ERC2: variants seen among roughly 807,000 people sequenced by gnomAD.
ERC2 encodes ERC protein 2.
Under a neutral mutation model 114.8 loss-of-function variants are expected in ERC2, and 42 were observed. The observed-to-expected ratio is 0.37, with a 90% confidence interval of 0.29 to 0.47. ERC2 has a LOEUF of 0.47. Ranked by LOEUF, ERC2 falls within the 20% of genes least tolerant of loss-of-function variation. ERC2 has a pLI of 0.99. For synonymous variants in ERC2, 454 were observed against 425.5 expected (o/e 1.07, Z -0.82); for missense variants, 939 against 1,150.7 (o/e 0.82, Z 2.66).
At position 56,218,009 on chromosome 3, in the gene ERC2, C is replaced by A. The variant is rs866276921; in HGVS notation, c.1075-44489G>T. 2.8e-3 allele frequency among the ~76,000 whole-genome samples: 411 copies of A among 149,094 alleles called. 1 individual carries two copies. The highest frequency in any genetic ancestry group is 0.019 in the South Asian group (89 of 4,712). ...TAATTCAAGATGGATTAAAGACTTACATGTTAGACCTGAAACCATAAAAAC... is the reference window on the plus strand; with the variant it reads ...TAATTCAAGATGGATTAAAGACTTAAATGTTAGACCTGAAACCATAAAAAC... On this transcript the variant is annotated intron_variant, in intron 3 of 17. Coordinates refer to ENST00000288221, the MANE Select transcript of ERC2 (RefSeq NM_015576.3).
chr3:55,564,306 T>A (rs1357786467), intron 17 of ERC2, among the ~76,000 whole-genome samples: 1 of 152,204 alleles, frequency 6.6e-6, no homozygotes, highest in East Asian at 1.9e-4. Flanking sequence ...GGAAGTCTAG[T>A]TAGAGTATTT....
At chr3:55,590,931 C>A (rs1408458589) in intron 17 of ERC2, among the ~76,000 whole-genome samples, 1 of 152,096 alleles carries the variant, frequency 6.6e-6, no homozygotes, top group East Asian at 1.9e-4. Context: ...CGGGTTCAAG[C>A]GATTCTCATG....
Position 55,569,585 on chromosome 3 carries a change from C to T in ERC2, c.*40-58309G>A, listed in dbSNP as rs191539489. Among the ~76,000 whole-genome samples the T allele has an allele frequency of 2.6e-4, 39 of 152,292 alleles. No homozygotes were observed. In the East Asian group the frequency reaches 6.0e-3, roughly 23 times the overall value. On this transcript the variant is annotated intron_variant, in intron 17 of 17. Coordinates refer to ENST00000288221, the MANE Select transcript of ERC2 (RefSeq NM_015576.3). ...GGCACAACTTGACAATTAAATTAGA[C>T]GAATCGTTTTCAGTGTTTTTGCATT...
rs552623335 is a variant in ERC2 at position 55,592,810 on chromosome 3, C to G, written c.*40-81534G>C. On this transcript the variant is annotated intron_variant, in intron 17 of 17. Coordinates refer to ENST00000288221, the MANE Select transcript of ERC2 (RefSeq NM_015576.3). ...AACAGCAGAAAGCCCCCACGCAGAT[C>G]TGCTGAAAGTATCTCCCTTCACCTA... Among the ~76,000 whole-genome samples the G allele has an allele frequency of 2.0e-5, 3 of 152,212 alleles. No individual in the cohort carries two copies. The South Asian group carries it at 6.2e-4, about 32-fold the overall frequency.
intron 4 of ERC2, among the ~76,000 whole-genome samples, chr3:56,150,519 A>G (rs192074350): frequency 6.6e-6 from 1 of 152,270 alleles, no homozygotes; most frequent in Admixed American, 6.5e-5. Flanking sequence ...AAGAAGATGA[A>G]ATAAAAAGAT....
intron 13 of ERC2, among the ~76,000 whole-genome samples, chr3:55,931,369 T>C (rs1013227471): frequency 6.6e-6 from 1 of 152,178 alleles, no homozygotes; most frequent in African/African-American, 2.4e-5. Context: ...CCATCAGTGA[T>C]AGACTGGATA....
chr3:56,273,129 G>C (rs1259726683), intron 3 of ERC2, among the ~76,000 whole-genome samples: 1 of 152,026 alleles, frequency 6.6e-6, no homozygotes. Context: ...CCTTCCCTTG[G>C]ACCACTGGGT....
At chr3:56,032,921 A>AAGAAAGAGAGAGAGAGAGAC (rs71099611) in intron 7 of ERC2, among the ~76,000 whole-genome samples, 2 of 80,864 alleles carry the variant, frequency 2.5e-5, no homozygotes, top group Admixed American at 1.6e-4. Flanking sequence ...GAAAGAAAGA[A>AAGAAAGAGAGAGAGAGAGAC]AGAAAGAAAG....
intron 17 of ERC2, among the ~76,000 whole-genome samples, chr3:55,623,843 G>A (rs1179459244): frequency 6.6e-6 from 1 of 152,150 alleles, no homozygotes; most frequent in Non-Finnish European, 1.5e-5. Flanking sequence ...CATCTGCAAG[G>A]GGCACCCTTT....
rs143247839 is a variant in ERC2, at chr3:55,640,345, T to C, written c.*39+43449A>G. ...CCTGTTCTTGACATATATTATTGCC[T>C]TCTCTGCCACACCTTTCTAACGATC... On this transcript the variant is annotated intron_variant, in intron 17 of 17. Transcript: ENST00000288221. 2.7e-3 allele frequency among the ~76,000 whole-genome samples: 411 copies of C among 152,328 alleles called. 2 individuals are homozygous for C. Among genetic ancestry groups the C allele is most frequent in the African/African-American group, 9.7e-3 (403 of 41,580 alleles).
chr3:56,249,885 T>A (rs545587875), intron 3 of ERC2, among the ~76,000 whole-genome samples: 27 of 110,638 alleles, frequency 2.4e-4, no homozygotes, highest in Non-Finnish European at 4.1e-4. Context: ...TGAGACGGAG[T>A]CTTACTCTGT....
intron 2 of ERC2, among the ~76,000 whole-genome samples, chr3:56,356,070 A>G (rs2150542980): frequency 6.6e-6 from 1 of 152,316 alleles, no homozygotes; most frequent in South Asian, 2.1e-4. Context: ...GCTGTGTCCT[A>G]CCTCTCAAAG....
intron 15 of ERC2, among the ~76,000 whole-genome samples, chr3:55,720,439 C>T (rs923269012): frequency 6.0e-5 from 9 of 150,598 alleles, no homozygotes; most frequent in Non-Finnish European, 1.0e-4. Flanking sequence ...GCACATGCCA[C>T]TGCGTCCAGC....
chr3:56,456,485 A>G (rs778043262), intron 1 of ERC2, among the ~76,000 whole-genome samples: 1 of 152,222 alleles, frequency 6.6e-6, no homozygotes, highest in Non-Finnish European at 1.5e-5. Flanking sequence ...TCCCCAAAAC[A>G]AATAAATGAT....
chr3:55,673,744 T>G (rs1176494256), intron 17 of ERC2, among the ~76,000 whole-genome samples: 1 of 150,782 alleles, frequency 6.6e-6, no homozygotes, highest in Non-Finnish European at 1.5e-5. Flanking sequence ...TCCCACACAC[T>G]GAATCCGTTT....
intron 14 of ERC2, among the ~76,000 whole-genome samples, chr3:55,802,942 G>T (rs1031442925): frequency 2.4e-4 from 36 of 152,102 alleles, no homozygotes; most frequent in Non-Finnish European, 2.9e-5. Flanking sequence ...CTGAATATAC[G>T]GTGTAGTTAG....
intron 2 of ERC2, among the ~76,000 whole-genome samples, chr3:56,311,253 C>A (rs370717551): frequency 0.29 from 10,561 of 36,250 alleles, 651 homozygotes; most frequent in Admixed American, 0.34. Context: ...CTCTCTCTCT[C>A]TCTATATATA....
chr3:56,361,172 A>C (rs925419426), intron 2 of ERC2, among the ~76,000 whole-genome samples: 3 of 152,122 alleles, frequency 2.0e-5, no homozygotes, highest in Non-Finnish European at 4.4e-5. Context: ...GACAAATTTC[A>C]GGCAAAAAGA....
At chr3:55,791,198 C>T (rs189937951) in intron 14 of ERC2, among the ~76,000 whole-genome samples, 5 of 152,258 alleles carry the variant, frequency 3.3e-5, no homozygotes, top group African/African-American at 1.2e-4. Flanking sequence ...AAAATTGGGG[C>T]TGGGTAAACA....
Sources: gnomAD v4.1 joint callset for allele counts (sites outside exome capture counted in the v4.1 genomes callset) on GRCh38, gnomAD v4.1.1 for gene constraint, MANE v1.5 for transcripts, NCBI Gene and HGNC (gene_info 2026-07-23, HGNC 2026-07-21) for gene names.